Variants in PBRM1 observed in about 807,000 individuals in gnomAD.
PBRM1 encodes the protein protein polybromo-1.
PBRM1 carries 27 observed loss-of-function variants against 194.5 expected under a neutral mutation model. That is an observed-to-expected ratio of 0.14 (90% confidence interval 0.10 to 0.19). The LOEUF (loss-of-function observed/expected upper bound fraction) is 0.19, where lower values mean the gene tolerates loss of function less well. Ranked by LOEUF, PBRM1 falls within the 10% of genes least tolerant of loss-of-function variation. The pLI, the probability that PBRM1 is intolerant of heterozygous loss-of-function variation, is 1.00. For missense variants in PBRM1, 1,466 were observed against 2,077.2 expected (o/e 0.71, Z 5.72); for synonymous variants, 655 against 693.2 (o/e 0.94, Z 0.87).
At chr3:52,563,756 T>C (rs757693141) in intron 23 of PBRM1, among the ~76,000 whole-genome samples, 20 of 150,660 alleles carry the variant, frequency 1.3e-4, no homozygotes, top group Non-Finnish European at 2.8e-4. Context: ...GCAAAAAGAG[T>C]TTTCATAATC....
intron 4 of PBRM1, among the ~76,000 whole-genome samples, chr3:52,661,351 A>G (rs1348321170): frequency 6.6e-6 from 1 of 152,218 alleles, no homozygotes; most frequent in Non-Finnish European, 1.5e-5. Context: ...TATTTAGTAA[A>G]TATTTATCAG....
intron 20 of PBRM1, among the ~76,000 whole-genome samples, chr3:52,579,640 G>C (rs35107891): frequency 0.34 from 51,385 of 151,786 alleles, 9,704 homozygotes; most frequent in Admixed American, 0.46. Flanking sequence ...AAAACATAAA[G>C]AGAAACTCTG....
intron 17 of PBRM1, among the ~76,000 whole-genome samples, chr3:52,592,839 T>C (rs1312872432): frequency 2.6e-5 from 4 of 152,192 alleles, no homozygotes; most frequent in African/African-American, 9.7e-5. Context: ...TCAGAGCTTG[T>C]TATTGGTCTG....
chr3:52,609,871 T>C lies in PBRM1; in HGVS notation c.2009A>G (p.Lys670Arg), dbSNP rs1338379489. 1 of 1,595,226 alleles carries C rather than the reference T, an allele frequency of 6.3e-7. No homozygotes were observed. Among genetic ancestry groups the C allele is most frequent in the Admixed American group, 1.8e-5 (1 of 55,826 alleles). The change falls in exon 16 of 30, where the codon AAG becomes AGG. Residue 670 changes from lysine (K) to arginine (R), a missense_variant. Around this residue, in one of 5 missense-constraint regions of PBRM1, gnomAD observed 687 missense variants for 946.2 expected, o/e 0.73. Transcript: ENST00000296302. The surrounding 1 kb of genome is among the most constrained non-coding windows in gnomAD (Gnocchi z 4.1). ...GCGACCCCTCTTATCAGTATAGTTC[T>C]TTACAGCTTCATAGACCTCATTTAG...
At chr3:52,558,188 GA>G (rs935223637) in intron 26 of PBRM1, 60 bp downstream of exon 28, 709 of 1,170,402 alleles carry the variant, frequency 6.1e-4, no homozygotes, top group South Asian at 9.9e-4. Flanking sequence ...CCTTATTGGA[GA>G]AAAAAAAAAT....
intron 13 of PBRM1, among the ~76,000 whole-genome samples, chr3:52,621,969 C>G (rs572876458): frequency 1.3e-5 from 2 of 152,098 alleles, no homozygotes; most frequent in African/African-American, 4.8e-5. Flanking sequence ...TTGTTTGAAC[C>G]CAGAAGATCA....
At chr3:52,567,490 A>AT (rs2085630402) in intron 22 of PBRM1, among the ~76,000 whole-genome samples, 1 of 151,262 alleles carries the variant, frequency 6.6e-6, no homozygotes, top group Non-Finnish European at 1.5e-5. Context: ...CAAAGTAGGT[A>AT]AATACCATTT....
At chr3:52,621,810 G>A (rs2095286230) in intron 13 of PBRM1, among the ~76,000 whole-genome samples, 1 of 152,182 alleles carries the variant, frequency 6.6e-6, no homozygotes, top group Admixed American at 6.5e-5. Flanking sequence ...TCAGCACTTT[G>A]GGAGGCTGAA....
Position 52,591,023 on chromosome 3 carries a change from T to C in PBRM1, c.2780-1768A>G, listed in dbSNP as rs565071196. On this transcript the variant is annotated intron_variant, in intron 17 of 29. Coordinates refer to ENST00000296302, the Ensembl canonical transcript of PBRM1. ...AGGTATTTTATTCTTTTTGTGGCAA[T>C]TGTGAATGACAATGCGTTCCTGATC... Among the ~76,000 whole-genome samples the C allele has an allele frequency of 8.8e-4, 134 of 152,346 alleles. No homozygotes were observed. In the Middle Eastern group the frequency reaches 0.01, roughly 12 times the overall value.
At position 52,586,699 on chromosome 3, in the gene PBRM1, G is replaced by A. The variant is rs764258052; in HGVS notation, c.3124-11C>T. The A allele has an allele frequency of 6.5e-5, 102 of 1,564,534 alleles. No individual in the cohort carries two copies. Among genetic ancestry groups the A allele is most frequent in the Middle Eastern group, 1.7e-4 (1 of 5,902 alleles). On this transcript the variant is annotated splice_polypyrimidine_tract_variant and intron_variant, in intron 19 of 29. Transcript: ENST00000296302. ...TAACTTAAAGTATTCCTGGGGGGTG[G>A]GGAGGGCATAAGAATAAAACTAGTT... is the stretch of plus-strand genomic sequence containing the variant.
chr3:52,653,728 G>A (rs1224000754), intron 5 of PBRM1, among the ~76,000 whole-genome samples: 1 of 151,984 alleles, frequency 6.6e-6, no homozygotes, highest in Non-Finnish European at 1.5e-5. Context: ...TGGCCAATAT[G>A]GTGAAACCCC....
At chr3:52,603,723 T>C (rs373482501) in exon 17 of PBRM1, 1 of 1,606,296 alleles carries the variant, frequency 6.2e-7, no homozygotes, top group Admixed American at 1.7e-5. Context: ...CATATATTTC[T>C]GAATCTGTCC....
At chr3:52,661,688 A>T (rs532002930) in intron 4 of PBRM1, among the ~76,000 whole-genome samples, 3 of 152,326 alleles carry the variant, frequency 2.0e-5, no homozygotes, top group South Asian at 4.1e-4. Context: ...GCAGAAGAAC[A>T]ACTGCAAAAT....
intron 11 of PBRM1, among the ~76,000 whole-genome samples, chr3:52,633,909 G>A (rs1447426007): frequency 2.0e-5 from 3 of 151,960 alleles, no homozygotes; most frequent in Non-Finnish European, 4.4e-5. Context: ...TGTGATTTAA[G>A]TATTCTGTCT....
At chr3:52,630,631 C>A (rs2095588065) in intron 11 of PBRM1, among the ~76,000 whole-genome samples, 1 of 152,182 alleles carries the variant, frequency 6.6e-6, no homozygotes, top group African/African-American at 2.4e-5. Flanking sequence ...CTGTCAGGCA[C>A]CACTGGCTCA....
chr3:52,550,766 C>T (rs2153381987), exon 28 of PBRM1: 1 of 1,612,408 alleles, frequency 6.2e-7, no homozygotes, highest in Non-Finnish European at 8.5e-7. Context: ...ATATGGACTT[C>T]CACCTGGTGC....
chr3:52,674,050 CAA>C (rs67067923), intron 2 of PBRM1, among the ~76,000 whole-genome samples: 3 of 137,118 alleles, frequency 2.2e-5, no homozygotes, highest in Admixed American at 7.3e-5. Context: ...GACACTGTCT[CAA>C]AAAAAAAATA....
At chr3:52,622,334 T>C (rs1407573332) in intron 13 of PBRM1, among the ~76,000 whole-genome samples, 1 of 143,588 alleles carries the variant, frequency 7.0e-6, no homozygotes, top group Non-Finnish European at 1.6e-5. Context: ...AGAGACTCCA[T>C]CTCAAAAAAA....
At chr3:52,571,682 GT>G (rs2087305835) in intron 22 of PBRM1, among the ~76,000 whole-genome samples, 2 of 146,284 alleles carry the variant, frequency 1.4e-5, no homozygotes, top group African/African-American at 2.5e-5. Flanking sequence ...AATGCAAATG[GT>G]AATAATTTTC....
Sources: allele counts gnomAD v4.1 joint callset (sites outside exome capture counted in the v4.1 genomes callset), GRCh38; gene constraint gnomAD v4.1.1; regional missense constraint gnomAD v4.1.1; non-coding constraint Gnocchi (gnomAD v3.1); transcripts MANE v1.5; gene names NCBI Gene and HGNC (gene_info 2026-07-23, HGNC 2026-07-21).